PLK4: variants seen among roughly 807,000 people sequenced by gnomAD.
The protein encoded by PLK4 is serine/threonine-protein kinase PLK4.
Under a neutral mutation model 103.0 loss-of-function variants are expected in PLK4, and 51 were observed. That is an observed-to-expected ratio of 0.50 (90% CI 0.40 to 0.63). The LOEUF is 0.63. PLK4 is among the 20% of genes least tolerant of loss of function. PLK4 has a pLI of 0.00. For synonymous variants in PLK4, 389 were observed against 376.8 expected (o/e 1.03, Z -0.38); for missense variants, 1,054 against 1,151.0 (o/e 0.92, Z 1.22).
chr4:127,881,371 G>C (rs1734916678), intron 1 of PLK4: 5 of 1,434,314 alleles, frequency 3.5e-6, no homozygotes, highest in Non-Finnish European at 4.5e-6. Flanking sequence ...GGCGGGACAG[G>C]TGAGTCCCTC....
rs1464490937 is a variant in PLK4 at position 127,881,439 on chromosome 4, A to G, written c.30+275A>G. The G allele has an allele frequency of 2.2e-6, 3 of 1,350,202 alleles. No individual in the cohort carries two copies. The East Asian group carries it at 8.1e-5, about 37-fold the overall frequency. The allele number at this position is 1,350,202 out of a possible 1,614,324, so 83.6% of individuals were successfully genotyped here. ...TTCTTTCAGCAATCCCGCCCGAGCT[A>G]CCGCGTTAGAGCAGGGCAGGGCTAC... On this transcript the variant is annotated intron_variant, in intron 1 of 15. Transcript: ENST00000270861.
chr4:127,898,290 T>C, intron 15 of PLK4, 149 bp from the exon 16 acceptor site: 2 of 527,702 alleles, frequency 3.8e-6, no homozygotes, highest in Non-Finnish European at 6.7e-6. Flanking sequence ...TCACTTGATT[T>C]AGGTATCTAA....
intron 13 of PLK4, among the ~76,000 whole-genome samples, chr4:127,894,306 A>G (rs1735479253): frequency 6.6e-6 from 1 of 151,984 alleles, no homozygotes; most frequent in Non-Finnish European, 1.5e-5. Flanking sequence ...GGCTCACTGC[A>G]AGCTCCACCT....
Position 127,881,379 on chromosome 4 carries a change from C to T in PLK4, c.30+215C>T, listed in dbSNP as rs960854207. 47 of 1,429,204 alleles carry T rather than the reference C, an allele frequency of 3.3e-5. No individual in the cohort carries two copies. The East Asian group carries it at 1.2e-3, about 36-fold the overall frequency. The allele number at this position is 1,429,204 out of a possible 1,614,324, so 88.5% of individuals were successfully genotyped here. A position where few individuals can be genotyped will look rare whatever the true frequency, so the allele number is the denominator to read the frequency against. On this transcript the variant is annotated intron_variant, in intron 1 of 15. Coordinates refer to ENST00000270861, the MANE Select transcript of PLK4 (RefSeq NM_014264.5). ...TAGGGAAGGCGGGACAGGTGAGTCC[C>T]TCCCCGCCCGGCAGTGTCCCGAGGC...
chr4:127,896,863 A>G lies in PLK4; in HGVS notation c.2766A>G (p.Gly922=). 6.2e-7 allele frequency: 1 copy of G among 1,612,030 alleles called. No individual in the cohort carries two copies. The highest frequency in any genetic ancestry group is 8.5e-7 in the Non-Finnish European group (1 of 1,178,676). Residue 922 remains glycine (G), a synonymous_variant, in exon 15 of 16, where the codon GGA becomes GGG. Coordinates refer to ENST00000270861, the MANE Select transcript of PLK4 (RefSeq NM_014264.5). ...NDGSQLVVQA[G]VSSISYTSPN... ...GGTCCCAGTTGGTTGTGCAGGCAGGAGTGTCTTCTATCAGTTATACCTCAC... is the reference window on the plus strand; with the variant it reads ...GGTCCCAGTTGGTTGTGCAGGCAGGGGTGTCTTCTATCAGTTATACCTCAC...
chr4:127,898,407 G>A (rs370449195), intron 15 of PLK4, 32 bp from the exon 16 acceptor site: 12 of 995,920 alleles, frequency 1.2e-5, no homozygotes, highest in Admixed American at 2.0e-5. Context: ...ATTCAGTTAC[G>A]ATTTTGTCTT....
At chr4:127,887,719 T>G (rs1735188514) in intron 6 of PLK4, among the ~76,000 whole-genome samples, 1 of 150,982 alleles carries the variant, frequency 6.6e-6, no homozygotes, top group Admixed American at 6.6e-5. Flanking sequence ...CTACAAAAAA[T>G]AAAAAATTAG....
intron 14 of PLK4, among the ~76,000 whole-genome samples, chr4:127,895,447 A>ATTTTTTTTTTT (rs1735526199): frequency 8.4e-6 from 1 of 118,450 alleles, no homozygotes; most frequent in East Asian, 3.2e-4. Flanking sequence ...TAGTAGAGTA[A>ATTTTTTTTTTT]CTTTCTTTTT....
chr4:127,890,256 A>G lies in PLK4; in HGVS notation c.1830+20A>G. 1.3e-6 allele frequency: 2 copies of G among 1,549,624 alleles called. No homozygotes were observed. Among genetic ancestry groups the G allele is most frequent in the South Asian group, 1.2e-5 (1 of 82,302 alleles). On this transcript the variant is annotated intron_variant, in intron 7 of 15. Transcript: ENST00000270861. ...GCTGTGGTATGTCTGTTATCTTCTT[A>G]AGTTACTAAATAACATTTTACTTGA...
chr4:127,892,511 G>T lies in PLK4; in HGVS notation c.2185G>T (p.Asp729Tyr). Reference protein sequence around the residue: ...PGADFEVWFYDGVKIHKTEDF... With the variant: ...PGADFEVWFYYGVKIHKTEDF... ...TGCTGATTTTGAGGTTTGGTTTTAT[G>T]ATGGTAAGTACCATTTGGAAATGGT... The change falls in exon 10 of 16, where the codon GAT becomes TAT. Residue 729 changes from aspartate to tyrosine, a missense_variant. By Grantham distance (160) the Asp-to-Tyr change is radical. Coordinates refer to ENST00000270861, the MANE Select transcript of PLK4 (RefSeq NM_014264.5). The T allele has an allele frequency of 6.2e-7, 1 of 1,607,130 alleles. No individual in the cohort carries two copies. The highest frequency in any genetic ancestry group is 1.1e-5 in the South Asian group (1 of 90,404).
Position 127,895,110 on chromosome 4 carries a change from A to T in PLK4, c.2703+17A>T. ...GCTACACAGGTGAGAAGTTTCTAGT[A>T]CAGTGCATTTTCTCAGTATGAATTT... On this transcript the variant is annotated intron_variant, in intron 14 of 15. Transcript: ENST00000270861. The T allele has an allele frequency of 6.5e-7, 1 of 1,540,740 alleles. No individual in the cohort carries two copies.
At chr4:127,892,055 A>G (rs1009431704) in intron 9 of PLK4, 1 of 228,858 alleles carries the variant, frequency 4.4e-6, no homozygotes, top group African/African-American at 2.3e-5. Context: ...CCTGTGACTC[A>G]CAAATTTGTG....
chr4:127,882,781 G>C lies in PLK4; in HGVS notation c.127-481G>C, dbSNP rs377185023. Among the ~76,000 whole-genome samples, 4 of 152,012 alleles carry C rather than the reference G, an allele frequency of 2.6e-5. No individual in the cohort carries two copies. In the South Asian group the frequency reaches 8.3e-4, roughly 32 times the overall value. ...TCTCAAAAAAAAAAATTAGCCAAGC[G>C]TGGTGGCATGTGCCTGTGGTCCCAG... On this transcript the variant is annotated intron_variant, in intron 2 of 15. Transcript: ENST00000270861.
intron 4 of PLK4, 136 bp downstream of exon 4, chr4:127,883,689 A>AGATT: frequency 2.1e-6 from 1 of 482,948 alleles, no homozygotes; most frequent in Non-Finnish European, 3.7e-6. Flanking sequence ...CTAGAAAAGG[A>AGATT]GATTTCCTAC....
At chr4:127,896,596 A>G (rs2148825186) in intron 14 of PLK4, among the ~76,000 whole-genome samples, 1 of 152,280 alleles carries the variant, frequency 6.6e-6, no homozygotes, top group East Asian at 1.9e-4. Flanking sequence ...TGAAAAAGAC[A>G]TGAATATTCT....
Position 127,886,304 on chromosome 4 carries a change from CTT to C in PLK4, c.937_938del (p.Leu313AspfsTer8). 6.2e-7 allele frequency: 1 copy of C among 1,613,968 alleles called. No individual in the cohort carries two copies. On this transcript the variant is annotated frameshift_variant, in exon 5 of 16. Coordinates refer to ENST00000270861, the MANE Select transcript of PLK4 (RefSeq NM_014264.5). LOFTEE classifies it high-confidence loss of function. The part of the protein sequence containing the change: ...ISGSLFDKRR[L>X]LIGQPLPNKM... ...TGGTAGTTTATTTGACAAAAGAAGA[CTT>C]TTGATTGGTCAGCCACTCCCAAATA... is the stretch of plus-strand genomic sequence containing the variant.
Position 127,881,077 on chromosome 4 carries a change from C to T in PLK4, c.-58C>T. ...GCCGGCTGGCTGCTTGGAGCGCTGCCTCGAAGGGACTGCGTGAAGGAAGCT... is the reference window on the plus strand; with the variant it reads ...GCCGGCTGGCTGCTTGGAGCGCTGCTTCGAAGGGACTGCGTGAAGGAAGCT... On this transcript the variant is annotated 5_prime_UTR_variant, in exon 1 of 16. Coordinates refer to ENST00000270861, the MANE Select transcript of PLK4 (RefSeq NM_014264.5). 6.2e-7 allele frequency: 1 copy of T among 1,602,814 alleles called. No homozygotes were observed.
chr4:127,893,999 T>C (rs1012846104), intron 13 of PLK4, 118 bp downstream of exon 13: 4 of 632,632 alleles, frequency 6.3e-6, no homozygotes, highest in Non-Finnish European at 8.4e-6. Context: ...AGCCTCATCC[T>C]GAGCCACTTT....
rs986055505 is a variant in PLK4, at chr4:127,880,960, A to G, written c.-175A>G. ...AAATGGGAGCCCAGAGGCACCGCCC[A>G]GGCCTCGGAAGGTGTCAGGGAGAAC... On this transcript the variant is annotated 5_prime_UTR_variant, in exon 1 of 16. Coordinates refer to ENST00000270861, the MANE Select transcript of PLK4 (RefSeq NM_014264.5). The G allele has an allele frequency of 7.6e-6, 5 of 655,368 alleles. No individual in the cohort carries two copies. The African/African-American group carries it at 9.1e-5, about 12-fold the overall frequency. The allele number at this position is 655,368 out of a possible 1,614,324, so 40.6% of individuals were successfully genotyped here. A position where few individuals can be genotyped will look rare whatever the true frequency, so the allele number is the denominator to read the frequency against.
Sources: gnomAD v4.1 joint callset for allele counts (sites outside exome capture counted in the v4.1 genomes callset) on GRCh38, gnomAD v4.1.1 for gene constraint, MANE v1.5 for transcripts, NCBI Gene and HGNC (gene_info 2026-07-23, HGNC 2026-07-21) for gene names.